FBXO4: variants seen among roughly 807,000 people sequenced by gnomAD.
The protein encoded by FBXO4 is F-box protein 4.
In FBXO4, 36 loss-of-function variants were observed where a neutral mutation model predicts 43.7. That is an observed-to-expected ratio of 0.82 (90% confidence interval 0.63 to 1.09). The LOEUF is 1.09. Among genes scored for constraint, FBXO4 ranks in the 50% least tolerant of loss-of-function variants. The probability of loss-of-function intolerance (pLI) is 0.00; values close to 1 mark genes in which losing one functional copy is unlikely to be tolerated. For synonymous variants in FBXO4, 180 were observed against 165.6 expected, an observed-to-expected ratio of 1.09 and a Z score of -0.67; for missense variants, 435 against 474.1, an observed-to-expected ratio of 0.92 and a Z score of 0.77.
At chr5:41,982,252 T>C in the FBXO4 span, among the ~76,000 whole-genome samples, 1 of 152,188 alleles carries the variant, frequency 6.6e-6, no homozygotes, top group Non-Finnish European at 1.5e-5. Context: ...TATAATCCTT[T>C]GGGTATATAC....
At chr5:41,971,813 A>G in the FBXO4 span, among the ~76,000 whole-genome samples, 3 of 152,138 alleles carry the variant, frequency 2.0e-5, no homozygotes, top group Non-Finnish European at 4.4e-5. Flanking sequence ...ATGGCTGTCA[A>G]TAATTGTGAT....
chr5:41,949,092 C>G, the FBXO4 span, among the ~76,000 whole-genome samples: 2 of 152,116 alleles, frequency 1.3e-5, no homozygotes, highest in Non-Finnish European at 2.9e-5. Context: ...TTATGACAAA[C>G]GCACAGCCTA....
the FBXO4 span, among the ~76,000 whole-genome samples, chr5:41,974,645 AC>A: frequency 6.6e-6 from 1 of 151,984 alleles, no homozygotes; most frequent in African/African-American, 2.4e-5. Context: ...TGCTGAAATT[AC>A]CTGCCTGATC....
At chr5:42,000,012 T>C in the FBXO4 span, among the ~76,000 whole-genome samples, 1 of 152,166 alleles carries the variant, frequency 6.6e-6, no homozygotes, top group Non-Finnish European at 1.5e-5. Flanking sequence ...ACCATCATTA[T>C]ACTCTCTGCT....
chr5:41,929,425 A>T (rs1191160196), intron 2 of FBXO4, among the ~76,000 whole-genome samples: 1 of 152,188 alleles, frequency 6.6e-6, no homozygotes, highest in African/African-American at 2.4e-5. Context: ...AGAGAATCTA[A>T]ATTAAAGATT....
At chr5:41,988,466 C>A in the FBXO4 span, among the ~76,000 whole-genome samples, 2 of 152,144 alleles carry the variant, frequency 1.3e-5, no homozygotes, top group South Asian at 4.1e-4. Flanking sequence ...ACTGTGAGAA[C>A]ATGGTAGAGC....
chr5:42,006,923 T>TAC, the FBXO4 span, among the ~76,000 whole-genome samples: 1 of 140,616 alleles, frequency 7.1e-6, no homozygotes, highest in Non-Finnish European at 1.5e-5. Context: ...TATATGTATA[T>TAC]ACACACACAT....
intron 3 of FBXO4, among the ~76,000 whole-genome samples, chr5:41,932,462 A>G (rs928883878): frequency 1.3e-5 from 2 of 152,246 alleles, no homozygotes; most frequent in African/African-American, 4.8e-5. Context: ...GTTGCCTAGA[A>G]TGATGACATG....
At chr5:41,995,845 G>A in the FBXO4 span, among the ~76,000 whole-genome samples, 1,772 of 152,114 alleles carry the variant, frequency 0.012, 80 homozygotes, top group Admixed American at 0.074. Context: ...GTATATAATC[G>A]CACATTTGCC....
At chr5:41,946,783 A>G in the FBXO4 span, among the ~76,000 whole-genome samples, 1 of 152,142 alleles carries the variant, frequency 6.6e-6, no homozygotes, top group African/African-American at 2.4e-5. Context: ...ATTCAAAAAT[A>G]TTTGTTTTGA....
At chr5:42,008,517 T>C in the FBXO4 span, among the ~76,000 whole-genome samples, 1 of 152,170 alleles carries the variant, frequency 6.6e-6, no homozygotes, top group Non-Finnish European at 1.5e-5. Context: ...GTCCTAACTG[T>C]GACCCCTGCT....
chr5:41,950,313 T>A, the FBXO4 span, among the ~76,000 whole-genome samples: 2 of 152,012 alleles, frequency 1.3e-5, no homozygotes. Flanking sequence ...TGCAATCTAT[T>A]CATCTGACAA....
chr5:41,938,377 A>G (rs1041507409), intron 5 of FBXO4, among the ~76,000 whole-genome samples: 1 of 152,208 alleles, frequency 6.6e-6, no homozygotes, highest in African/African-American at 2.4e-5. Flanking sequence ...CTAAGCCAGT[A>G]GTGGATATAA....
chr5:42,002,399 A>C, the FBXO4 span, among the ~76,000 whole-genome samples: 1 of 152,222 alleles, frequency 6.6e-6, no homozygotes, highest in Non-Finnish European at 1.5e-5. Context: ...CAAATTCTTT[A>C]AAATATTTTG....
chr5:42,007,728 A>C, the FBXO4 span, among the ~76,000 whole-genome samples: 2 of 152,096 alleles, frequency 1.3e-5, no homozygotes, highest in Admixed American at 6.6e-5. Context: ...AAATATATTC[A>C]AGCATTATTG....
the FBXO4 span, among the ~76,000 whole-genome samples, chr5:42,007,353 T>C: frequency 6.6e-6 from 1 of 152,102 alleles, no homozygotes; most frequent in African/African-American, 2.4e-5. Context: ...TAACCTCTTT[T>C]GAGATGTAAA....
chr5:41,934,899 C>T, intron 5 of FBXO4: 1 of 984,030 alleles, frequency 1.0e-6, no homozygotes, highest in Non-Finnish European at 1.2e-6. Context: ...AATATCTTTC[C>T]CAAATCCTTT....
chr5:42,025,143 T>C, the FBXO4 span, among the ~76,000 whole-genome samples: 9 of 152,076 alleles, frequency 5.9e-5, no homozygotes, highest in South Asian at 1.9e-3. Flanking sequence ...CTGTTCTCCA[T>C]AGTGGTTGTA....
chr5:42,010,623 CT>C, the FBXO4 span, among the ~76,000 whole-genome samples: 1 of 152,054 alleles, frequency 6.6e-6, no homozygotes, highest in Non-Finnish European at 1.5e-5. Context: ...CTGCTTCTAC[CT>C]TTTGGTTATT....
Sources: allele counts gnomAD v4.1 joint callset (sites outside exome capture counted in the v4.1 genomes callset), GRCh38; gene constraint gnomAD v4.1.1; transcripts MANE v1.5; gene names NCBI Gene and HGNC (gene_info 2026-07-23, HGNC 2026-07-21).